Variants in FRMPD4 observed in about 807,000 individuals in gnomAD.
FRMPD4 encodes FERM and PDZ domain-containing protein 4.
Under a neutral mutation model 94.1 loss-of-function variants are expected in FRMPD4, and 22 were observed. The ratio of observed to expected loss-of-function variants is 0.23; its 90% CI spans 0.17 to 0.33. The LOEUF is 0.33. Among genes scored for constraint, FRMPD4 ranks in the 10% least tolerant of loss-of-function variants. The pLI, the probability that FRMPD4 is intolerant of heterozygous loss-of-function variation, is 1.00. For synonymous variants in FRMPD4, 631 were observed against 548.6 expected (o/e 1.15, Z -2.10); for missense variants, 1,111 against 1,339.9 (o/e 0.83, Z 2.67).
At chrX:12,451,283 G>GC (rs1569281186) in intron 1 of FRMPD4, among the ~76,000 whole-genome samples, 2 of 111,662 alleles carry the variant, frequency 1.8e-5, no homozygotes, top group South Asian at 3.8e-4. Flanking sequence ...GCTCATCCCT[G>GC]CCCCCCTCCA....
chrX:12,655,884 A>G (rs2059649992), intron 4 of FRMPD4, among the ~76,000 whole-genome samples: 1 of 112,311 alleles, frequency 8.9e-6, no homozygotes, highest in Non-Finnish European at 1.9e-5. Flanking sequence ...TGGGAGTCCC[A>G]ATAATTTTCA....
At chrX:12,456,372 TAA>T (rs1427358086) in intron 1 of FRMPD4, among the ~76,000 whole-genome samples, 106 of 111,680 alleles carry the variant, frequency 9.5e-4, no homozygotes, top group African/African-American at 3.3e-3. Context: ...GGAGAGTCAA[TAA>T]ATTATTAATA....
rs912056018 is a variant in FRMPD4 at position 12,470,797 on chromosome X, A to C, written c.42-27883A>C. 4.5e-5 allele frequency among the ~76,000 whole-genome samples: 5 copies of C among 111,733 alleles called. No homozygotes were observed. The Admixed American group carries it at 4.8e-4, about 11-fold the overall frequency. On this transcript the variant is annotated intron_variant, in intron 1 of 16. Coordinates refer to ENST00000675598, the MANE Select transcript of FRMPD4 (RefSeq NM_001368397.1). ...TGAAGCTGTTAAATGTATCTTCTAC[A>C]TTTATCACATTAGAAGTCTTCTCCT...
At chrX:12,672,939 C>T (rs1237088978) in intron 4 of FRMPD4, among the ~76,000 whole-genome samples, 1 of 111,991 alleles carries the variant, frequency 8.9e-6, no homozygotes, top group Admixed American at 9.4e-5. Flanking sequence ...GGTGAACAAC[C>T]AGCCCTCAGG....
Position 12,138,948 on chromosome X carries a change from G to A in FRMPD4, c.-24G>A, listed in dbSNP as rs1569166417. Reference sequence around the variant, plus strand: ...TGAGAAGGGGCGACGGAGTTGTCGCGCTCGGGGGTCCCCAGCTGCCTGCAT... The same window carrying A: ...TGAGAAGGGGCGACGGAGTTGTCGCACTCGGGGGTCCCCAGCTGCCTGCAT... On this transcript the variant is annotated 5_prime_UTR_variant, in exon 1 of 17. Transcript: ENST00000675598. 8.7e-7 allele frequency: 1 copy of A among 1,144,969 alleles called. No homozygotes were observed. Among genetic ancestry groups the A allele is most frequent in the Non-Finnish European group, 1.2e-6 (1 of 860,216 alleles). 94.4% of individuals were successfully genotyped at this position (1,144,969 alleles called of 1,213,427 possible). A position where few individuals can be genotyped will look rare whatever the true frequency, so the allele number is the denominator to read the frequency against.
chrX:12,393,842 T>A (rs1449023055), intron 1 of FRMPD4, among the ~76,000 whole-genome samples: 3 of 112,238 alleles, frequency 2.7e-5, no homozygotes, highest in African/African-American at 9.7e-5. Flanking sequence ...TCTACTCAGA[T>A]GCATTTTTAA....
At chrX:12,684,167 A>G (rs1471293325) in intron 6 of FRMPD4, among the ~76,000 whole-genome samples, 2 of 112,230 alleles carry the variant, frequency 1.8e-5, no homozygotes, top group African/African-American at 3.2e-5. Context: ...CAATTAACTG[A>G]ACTTCAGAAT....
chrX:12,157,519 C>G (rs758265090), intron 1 of FRMPD4, among the ~76,000 whole-genome samples: 14 of 111,228 alleles, frequency 1.3e-4, no homozygotes, highest in Middle Eastern at 4.6e-3. Flanking sequence ...TCTATGGTGA[C>G]AAGCCTTTAG....
intron 1 of FRMPD4, among the ~76,000 whole-genome samples, chrX:12,359,893 G>A: frequency 8.9e-6 from 1 of 111,830 alleles, no homozygotes; most frequent in South Asian, 3.8e-4. Flanking sequence ...GGGACCCTCG[G>A]TGTCTCATGT....
chrX:12,277,107 C>T (rs7052652), intron 1 of FRMPD4, among the ~76,000 whole-genome samples: 1 of 84,039 alleles, frequency 1.2e-5, no homozygotes, highest in East Asian at 3.5e-4. Context: ...GGCGACAGAG[C>T]GAGACTCCGT....
chrX:12,255,266 G>A (rs1035402132), intron 1 of FRMPD4, among the ~76,000 whole-genome samples: 5 of 111,140 alleles, frequency 4.5e-5, no homozygotes, highest in African/African-American at 1.6e-4. Flanking sequence ...TGATAATGCT[G>A]CACACACAAG....
At chrX:12,680,745 T>C (rs1163394619) in intron 5 of FRMPD4, among the ~76,000 whole-genome samples, 1 of 111,721 alleles carries the variant, frequency 9.0e-6, no homozygotes, top group Non-Finnish European at 1.9e-5. Context: ...TTTCTCATTA[T>C]TGCATCGTAA....
chrX:12,350,493 C>A (rs773833771), intron 1 of FRMPD4, among the ~76,000 whole-genome samples: 4 of 112,050 alleles, frequency 3.6e-5, no homozygotes, highest in African/African-American at 1.3e-4. Flanking sequence ...GTCATTGTGA[C>A]CTCATCTTTA....
chrX:12,384,378 C>A (rs919474402), intron 1 of FRMPD4, among the ~76,000 whole-genome samples: 1 of 111,444 alleles, frequency 9.0e-6, no homozygotes, highest in African/African-American at 3.3e-5. Flanking sequence ...ATTAGCCAGG[C>A]GTGATAGCCT....
intron 1 of FRMPD4, among the ~76,000 whole-genome samples, chrX:11,843,258 T>G (rs181782550): frequency 3.6e-5 from 4 of 111,759 alleles, no homozygotes; most frequent in Admixed American, 2.9e-4. Context: ...GGTTTGTAAT[T>G]TTTTGTGTAT....
intron 1 of FRMPD4, among the ~76,000 whole-genome samples, chrX:11,842,051 T>C (rs1164522760): frequency 9.1e-6 from 1 of 109,700 alleles, no homozygotes; most frequent in East Asian, 2.8e-4. Context: ...AAAGATCAGA[T>C]AGTTGTAGAT....
rs139478975 is a variant in FRMPD4, at chrX:12,332,915, C to T, written c.42-165765C>T. ...CATATGGACAGAGTAAATATAATCC[C>T]GATTAAGCTCCCTGTTTTATATGGA... On this transcript the variant is annotated intron_variant, in intron 1 of 16. Transcript: ENST00000675598. 8.1e-4 allele frequency among the ~76,000 whole-genome samples: 90 copies of T among 111,619 alleles called. No individual in the cohort carries two copies. In the East Asian group the frequency reaches 0.021, roughly 26 times the overall value.
At chrX:11,885,950 G>A (rs748330131) in intron 3 of FRMPD4, among the ~76,000 whole-genome samples, 1 of 111,658 alleles carries the variant, frequency 9.0e-6, no homozygotes, top group South Asian at 3.8e-4. Context: ...TGAGTTGAAT[G>A]TATACCCAAA....
intron 3 of FRMPD4, among the ~76,000 whole-genome samples, chrX:11,944,423 T>C (rs1329508415): frequency 3.6e-5 from 4 of 112,104 alleles, no homozygotes; most frequent in African/African-American, 1.3e-4. Flanking sequence ...TCATTTTCCT[T>C]TCTTGTAACA....
Sources: gnomAD v4.1 joint callset for allele counts (sites outside exome capture counted in the v4.1 genomes callset) on GRCh38, gnomAD v4.1.1 for gene constraint, MANE v1.5 for transcripts, NCBI Gene and HGNC (gene_info 2026-07-23, HGNC 2026-07-21) for gene names.